DMD: variants seen among roughly 807,000 people sequenced by gnomAD.
DMD encodes the protein dystrophin.
A neutral mutation model predicts 330.1 loss-of-function variants in DMD; 63 were observed. The observed-to-expected ratio is 0.19, with a 90% CI of 0.16 to 0.24. The LOEUF is 0.24. Among genes scored for constraint, DMD ranks in the 10% least tolerant of loss-of-function variants. The pLI is 1.00. For missense variants in DMD, 3,344 were observed against 2,684.1 expected, an observed-to-expected ratio of 1.25 and a Z score of -5.43; for synonymous variants, 1,223 against 959.8, an observed-to-expected ratio of 1.27 and a Z score of -5.07.
intron 1 of DMD, among the ~76,000 whole-genome samples, chrX:33,288,818 A>C (rs1427148000): frequency 8.9e-6 from 1 of 111,851 alleles, no homozygotes; most frequent in East Asian, 2.8e-4. Flanking sequence ...TTAGAACATT[A>C]AGGATTGTAA....
At chrX:31,610,991 C>G (rs1224606654) in intron 55 of DMD, among the ~76,000 whole-genome samples, 2 of 109,849 alleles carry the variant, frequency 1.8e-5, no homozygotes, top group African/African-American at 3.3e-5. Context: ...ATGGGGATAC[C>G]AAATGAAAAA....
intron 29 of DMD, 160 bp from the exon 30 acceptor site, chrX:32,412,073 G>GA (rs754244807): frequency 1.8e-5 from 21 of 1,175,579 alleles, no homozygotes; most frequent in Admixed American, 4.8e-5. Context: ...TCTGTTGATA[G>GA]AAAAAAAATG....
chrX:32,905,391 T>C (rs2086649179), intron 2 of DMD, among the ~76,000 whole-genome samples: 1 of 111,613 alleles, frequency 9.0e-6, no homozygotes, highest in African/African-American at 3.3e-5. Context: ...TAAAAAGACA[T>C]GGTTGAGAAA....
At chrX:33,054,967 G>A (rs2094500232) in intron 1 of DMD, among the ~76,000 whole-genome samples, 1 of 111,752 alleles carries the variant, frequency 8.9e-6, no homozygotes, top group African/African-American at 3.2e-5. Flanking sequence ...CAGGGGGATA[G>A]GTCTCTAGCT....
At chrX:32,535,659 C>G (rs1603635722) in intron 17 of DMD, among the ~76,000 whole-genome samples, 1 of 111,376 alleles carries the variant, frequency 9.0e-6, no homozygotes, top group South Asian at 3.8e-4. Context: ...TTTGAGTTGC[C>G]TCTCCATCCC....
chrX:31,694,538 TCAATAA>T (rs1374367695), intron 52 of DMD, among the ~76,000 whole-genome samples: 1 of 100,852 alleles, frequency 9.9e-6, no homozygotes, highest in Non-Finnish European at 2.0e-5. Context: ...CTCAAGCTAC[TCAATAA>T]CAAGAAAACA....
At chrX:31,561,487 T>C (rs2075195272) in intron 55 of DMD, among the ~76,000 whole-genome samples, 1 of 111,859 alleles carries the variant, frequency 8.9e-6, no homozygotes, top group Admixed American at 9.5e-5. Context: ...CCAATACACA[T>C]CATATTACTC....
chrX:32,278,696 C>T (rs1460943618), intron 43 of DMD, among the ~76,000 whole-genome samples: 1 of 111,908 alleles, frequency 8.9e-6, no homozygotes, highest in Non-Finnish European at 1.9e-5. Flanking sequence ...AATCTAAGAC[C>T]TCAAACTAAG....
chrX:33,013,588 T>C, intron 2 of DMD, among the ~76,000 whole-genome samples: 1 of 112,015 alleles, frequency 8.9e-6, no homozygotes, highest in Non-Finnish European at 1.9e-5. Flanking sequence ...CATGGCACAA[T>C]AGCTCTGCTC....
chrX:31,192,756 T>C (rs2042511109), intron 67 of DMD, among the ~76,000 whole-genome samples: 1 of 111,904 alleles, frequency 8.9e-6, no homozygotes, highest in African/African-American at 3.3e-5. Flanking sequence ...AATACTGAAA[T>C]ATATGCTTAA....
rs888944257 is a variant in DMD at position 32,331,545 on chromosome X, T to C, written c.5922+10555A>G. 6.3e-5 allele frequency among the ~76,000 whole-genome samples: 7 copies of C among 111,458 alleles called. No homozygotes were observed. The East Asian group carries it at 2.0e-3, about 31-fold the overall frequency. On this transcript the variant is annotated intron_variant, in intron 41 of 78. Coordinates refer to ENST00000357033, the MANE Select transcript of DMD (RefSeq NM_004006.3). ...CCTGAAGAATGTGCTAAATTTCCACTTGATAGAAAAATTTGACACAGTATA... is the reference window on the plus strand; with the variant it reads ...CCTGAAGAATGTGCTAAATTTCCACCTGATAGAAAAATTTGACACAGTATA...
rs1347743639 is a variant in DMD at position 31,454,172 on chromosome X, CTT to C, written c.8938-9547_8938-9546del. On this transcript the variant is annotated intron_variant, in intron 59 of 78. Transcript: ENST00000357033. ...TTTTTTTTTGAGATAGAGTTTTGCT[CTT>C]GTCGCCCCGGCTGGAGTGCAATGGT... Among the ~76,000 whole-genome samples, 10 of 111,167 alleles carry C rather than the reference CTT, an allele frequency of 9.0e-5. No individual in the cohort carries two copies. The East Asian group carries it at 2.3e-3, about 25-fold the overall frequency.
intron 55 of DMD, among the ~76,000 whole-genome samples, chrX:31,511,166 T>C (rs1603289579): frequency 9.1e-6 from 1 of 109,520 alleles, no homozygotes; most frequent in Admixed American, 9.9e-5. Flanking sequence ...GTGGAGATTT[T>C]TCAGTATCAA....
chrX:32,693,869 T>C (rs1303695170), intron 9 of DMD, among the ~76,000 whole-genome samples: 1 of 111,733 alleles, frequency 8.9e-6, no homozygotes, highest in African/African-American at 3.3e-5. Context: ...TTGTTCTTAT[T>C]AAAGGGGATA....
intron 16 of DMD, among the ~76,000 whole-genome samples, chrX:32,561,455 GA>G (rs753044810): frequency 9.0e-6 from 1 of 111,496 alleles, no homozygotes; most frequent in African/African-American, 3.3e-5. Context: ...AAAGATTAGA[GA>G]AAAAGAAAAG....
At chrX:32,544,555 A>G (rs981612916) in intron 17 of DMD, among the ~76,000 whole-genome samples, 6 of 112,028 alleles carry the variant, frequency 5.4e-5, no homozygotes. Flanking sequence ...ACTGATTTAC[A>G]TAATACCTAA....
intron 2 of DMD, among the ~76,000 whole-genome samples, chrX:32,902,891 T>C (rs996003098): frequency 9.1e-6 from 1 of 109,851 alleles, no homozygotes. Flanking sequence ...GTGCGGTGGT[T>C]CACACCTGTA....
chrX:32,584,452 A>G (rs1293512661), intron 13 of DMD, among the ~76,000 whole-genome samples: 20 of 112,142 alleles, frequency 1.8e-4, no homozygotes, highest in Non-Finnish European at 1.5e-4. Context: ...GTTTACATAT[A>G]TACACAAAAA....
rs181851417 is a variant in DMD, at chrX:32,552,357, C to T, written c.1993-7023G>A. Among the ~76,000 whole-genome samples the T allele has an allele frequency of 6.7e-3, 742 of 111,368 alleles. 12 individuals carry two copies. Among genetic ancestry groups the T allele is most frequent in the African/African-American group, 0.023 (700 of 30,744 alleles). On this transcript the variant is annotated intron_variant, in intron 16 of 78. Coordinates refer to ENST00000357033, the MANE Select transcript of DMD (RefSeq NM_004006.3). Reference sequence around the variant, plus strand: ...TGTTCTTCAATGAAATCAACAAAAACAAGCAATGGGAAAAGGACTGCCTAT... The same window carrying T: ...TGTTCTTCAATGAAATCAACAAAAATAAGCAATGGGAAAAGGACTGCCTAT...
Sources: allele counts gnomAD v4.1 joint callset (sites outside exome capture counted in the v4.1 genomes callset), GRCh38; gene constraint gnomAD v4.1.1; transcripts MANE v1.5; gene names NCBI Gene and HGNC (gene_info 2026-07-23, HGNC 2026-07-21).